C1orf87: variants seen among roughly 807,000 people sequenced by gnomAD.
C1orf87 encodes uncharacterized protein C1orf87.
C1orf87 carries 58 observed loss-of-function variants against 60.5 expected under a neutral mutation model. The ratio of observed to expected loss-of-function variants is 0.96; its 90% CI spans 0.78 to 1.19. C1orf87 has a LOEUF of 1.19. Ranked by LOEUF, C1orf87 falls within the 50% of genes most tolerant of loss-of-function variation. The pLI is 0.00. For synonymous variants in C1orf87, 236 were observed against 227.4 expected, an observed-to-expected ratio of 1.04 and a Z score of -0.34; for missense variants, 673 against 638.6, an observed-to-expected ratio of 1.05 and a Z score of -0.58.
At chr1:60,065,216 T>C (rs1403745516) in intron 2 of C1orf87, among the ~76,000 whole-genome samples, 1 of 150,728 alleles carries the variant, frequency 6.6e-6, no homozygotes, top group East Asian at 1.9e-4. Flanking sequence ...TAAATGAGAA[T>C]GTCAGATGCC....
intron 4 of C1orf87, among the ~76,000 whole-genome samples, chr1:60,040,597 G>GCCTA (rs1645315323): frequency 6.6e-6 from 1 of 152,100 alleles, no homozygotes; most frequent in African/African-American, 2.4e-5. Context: ...GGCCCTTCCT[G>GCCTA]AGCTCAGCAA....
intron 11 of C1orf87, among the ~76,000 whole-genome samples, chr1:59,991,634 T>G (rs1170916188): frequency 6.6e-6 from 1 of 152,234 alleles, no homozygotes; most frequent in East Asian, 1.9e-4. Context: ...TGTGACTCCC[T>G]CCAGCTTGCT....
At chr1:60,017,127 T>C (rs766972451) in intron 8 of C1orf87, among the ~76,000 whole-genome samples, 1 of 152,198 alleles carries the variant, frequency 6.6e-6, no homozygotes, top group Non-Finnish European at 1.5e-5. Context: ...AAAAATAATA[T>C]ACCTACTTCA....
intron 6 of C1orf87, among the ~76,000 whole-genome samples, chr1:60,034,103 G>A (rs572495266): frequency 6.6e-6 from 1 of 152,266 alleles, no homozygotes; most frequent in South Asian, 2.1e-4. Flanking sequence ...AGACAGCCTA[G>A]TTCCCTGGGA....
At chr1:60,041,778 G>A (rs1320113155) in intron 3 of C1orf87, among the ~76,000 whole-genome samples, 2 of 152,120 alleles carry the variant, frequency 1.3e-5, no homozygotes, top group Non-Finnish European at 2.9e-5. Flanking sequence ...GCAAACAACT[G>A]GCCTGCTAAT....
At chr1:60,064,601 G>T (rs1645523110) in intron 2 of C1orf87, among the ~76,000 whole-genome samples, 1 of 99,304 alleles carries the variant, frequency 1.0e-5, no homozygotes, top group African/African-American at 3.9e-5. Context: ...ATATATATAT[G>T]TCCTATATAT....
intron 8 of C1orf87, among the ~76,000 whole-genome samples, chr1:60,014,756 C>T (rs572300903): frequency 2.3e-3 from 357 of 152,254 alleles, no homozygotes; most frequent in African/African-American, 7.9e-3. Flanking sequence ...ACAGTATGTA[C>T]AGTATGTAGT....
chr1:60,032,347 A>G lies in C1orf87; in HGVS notation c.1029+1129T>C, dbSNP rs888224513. Reference sequence around the variant, plus strand: ...GTGCCAATTCTGCCTCTCAGTTTCCATAACTCTTCTGGACTTTGAATCCTG... The same window carrying G: ...GTGCCAATTCTGCCTCTCAGTTTCCGTAACTCTTCTGGACTTTGAATCCTG... On this transcript the variant is annotated intron_variant, in intron 7 of 11. Coordinates refer to ENST00000371201, the MANE Select transcript of C1orf87 (RefSeq NM_152377.3). 5.3e-5 allele frequency among the ~76,000 whole-genome samples: 8 copies of G among 151,532 alleles called. No homozygotes were observed. The East Asian group carries it at 5.8e-4, about 11-fold the overall frequency.
At chr1:60,073,506 T>A (rs2100341359) in intron 1 of C1orf87, among the ~76,000 whole-genome samples, 184 bp downstream of exon 1, 1 of 152,288 alleles carries the variant, frequency 6.6e-6, no homozygotes, top group East Asian at 1.9e-4. Flanking sequence ...AGGCCAGGGT[T>A]CTTCCCAAAA....
rs533983611 is a variant in C1orf87 at position 60,040,190 on chromosome 1, C to T, written c.484-10G>A. On this transcript the variant is annotated splice_polypyrimidine_tract_variant and intron_variant, in intron 4 of 11. Coordinates refer to ENST00000371201, the MANE Select transcript of C1orf87 (RefSeq NM_152377.3). Reference sequence around the variant, plus strand: ...GGCTCTGGCCAATATCCTAACACAACAATGAAAAACAAAGAGCAAGACTCT... The same window carrying T: ...GGCTCTGGCCAATATCCTAACACAATAATGAAAAACAAAGAGCAAGACTCT... The T allele has an allele frequency of 1.2e-5, 20 of 1,603,232 alleles. No individual in the cohort carries two copies. The highest frequency in any genetic ancestry group is 3.3e-4 in the Middle Eastern group (2 of 5,978).
At chr1:60,062,991 C>G (rs1645507449) in intron 2 of C1orf87, among the ~76,000 whole-genome samples, 1 of 151,860 alleles carries the variant, frequency 6.6e-6, no homozygotes, top group Non-Finnish European at 1.5e-5. Flanking sequence ...AAAACAAACA[C>G]AAAAACAAAC....
At chr1:59,993,561 T>C (rs2100230801) in intron 11 of C1orf87, among the ~76,000 whole-genome samples, 1 of 152,212 alleles carries the variant, frequency 6.6e-6, no homozygotes, top group East Asian at 1.9e-4. Flanking sequence ...ATTTTCTATC[T>C]TCTAAGCTTT....
intron 11 of C1orf87, among the ~76,000 whole-genome samples, chr1:59,992,375 C>T (rs1003789030): frequency 1.5e-4 from 23 of 152,110 alleles, no homozygotes; most frequent in African/African-American, 5.5e-4. Context: ...CCCACCTAAG[C>T]CACATGAGTA....
intron 2 of C1orf87, among the ~76,000 whole-genome samples, chr1:60,056,195 G>A (rs955389948): frequency 6.6e-6 from 1 of 152,006 alleles, no homozygotes; most frequent in Non-Finnish European, 1.5e-5. Context: ...AGTGAGCCGA[G>A]ATCGCACCAC....
intron 2 of C1orf87, among the ~76,000 whole-genome samples, chr1:60,058,474 TA>T (rs1269300576): frequency 3.3e-5 from 5 of 152,230 alleles, no homozygotes; most frequent in African/African-American, 9.6e-5. Flanking sequence ...AAAGATTCAG[TA>T]CTATTTGAAG....
At position 60,041,040 on chromosome 1, in the gene C1orf87, C is replaced by T; in HGVS notation, c.434G>A (p.Arg145Lys). ...CACCATCTGTTCCAAGGACCAGTCTCTAAGCTTTCTCCTGGGAATGCCATG... is the reference window on the plus strand; with the variant it reads ...CACCATCTGTTCCAAGGACCAGTCTTTAAGCTTTCTCCTGGGAATGCCATG... Reference protein sequence around the residue: ...YVHGIPRRKLRDWSLEQMVRG... With the variant: ...YVHGIPRRKLKDWSLEQMVRG... Residue 145 changes from arginine to lysine, a missense_variant, in exon 4 of 12, where the codon AGA becomes AAA. By Grantham distance (26) the Arg-to-Lys change is conservative. Transcript: ENST00000371201. 1 of 1,613,596 alleles carries T rather than the reference C, an allele frequency of 6.2e-7. No homozygotes were observed. Among genetic ancestry groups the T allele is most frequent in the Non-Finnish European group, 8.5e-7 (1 of 1,179,626 alleles).
chr1:60,040,551 T>G (rs1645314920), intron 4 of C1orf87, among the ~76,000 whole-genome samples: 1 of 152,152 alleles, frequency 6.6e-6, no homozygotes, highest in African/African-American at 2.4e-5. Flanking sequence ...TCAAGGATGG[T>G]GTCTAGACCC....
At chr1:60,032,133 T>C in intron 7 of C1orf87, among the ~76,000 whole-genome samples, 1 of 152,202 alleles carries the variant, frequency 6.6e-6, no homozygotes, top group East Asian at 1.9e-4. Context: ...CCTTAGTAAA[T>C]ATCACCGTTC....
At chr1:60,059,937 T>C (rs1167445669) in intron 2 of C1orf87, among the ~76,000 whole-genome samples, 1 of 152,154 alleles carries the variant, frequency 6.6e-6, no homozygotes, top group Non-Finnish European at 1.5e-5. Context: ...GACTTTTCTC[T>C]TTTTAAAAAG....
Sources: allele counts gnomAD v4.1 joint callset (sites outside exome capture counted in the v4.1 genomes callset), GRCh38; gene constraint gnomAD v4.1.1; transcripts MANE v1.5; gene names NCBI Gene and HGNC (gene_info 2026-07-23, HGNC 2026-07-21).